Variants in L3MBTL4 observed in about 807,000 individuals in gnomAD.
L3MBTL4 encodes L3MBTL histone methyl-lysine binding protein 4.
In L3MBTL4, 70 loss-of-function variants were observed where a neutral mutation model predicts 84.5. The ratio of observed to expected loss-of-function variants is 0.83; its 90% CI spans 0.68 to 1.01. The LOEUF (loss-of-function observed/expected upper bound fraction) is 1.01, where lower values mean the gene tolerates loss of function less well. Ranked by LOEUF, L3MBTL4 falls within the 50% of genes least tolerant of loss-of-function variation. The pLI is 0.00. For missense variants in L3MBTL4, 715 were observed against 754.8 expected, an observed-to-expected ratio of 0.95 and a Z score of 0.62; for synonymous variants, 274 against 259.8, an observed-to-expected ratio of 1.05 and a Z score of -0.52.
At chr18:6,241,314 A>C (rs1356679981) in intron 8 of L3MBTL4, 44 bp downstream of exon 8, 2 of 1,104,660 alleles carry the variant, frequency 1.8e-6, no homozygotes, top group Non-Finnish European at 2.7e-6. Flanking sequence ...AAGAAATTTA[A>C]GCTTGGGGGA....
intron 1 of L3MBTL4, among the ~76,000 whole-genome samples, chr18:6,328,164 T>C (rs1215712160): frequency 6.6e-6 from 1 of 152,248 alleles, no homozygotes; most frequent in African/African-American, 2.4e-5. Context: ...AATGGCTCCA[T>C]TTCTAAAAGT....
intron 13 of L3MBTL4, among the ~76,000 whole-genome samples, chr18:6,156,034 T>C (rs1483765920): frequency 1.3e-5 from 2 of 152,166 alleles, no homozygotes; most frequent in Non-Finnish European, 2.9e-5. Flanking sequence ...AGCTTGTCCT[T>C]AAAGCAACAC....
At chr18:6,235,938 T>G (rs1026841701) in intron 10 of L3MBTL4, among the ~76,000 whole-genome samples, 2 of 152,112 alleles carry the variant, frequency 1.3e-5, no homozygotes, top group African/African-American at 4.8e-5. Flanking sequence ...GAAAGAAAAT[T>G]TTAAAAGGCC....
intron 10 of L3MBTL4, among the ~76,000 whole-genome samples, chr18:6,220,543 C>G (rs575397357): frequency 6.6e-6 from 1 of 152,290 alleles, no homozygotes; most frequent in Admixed American, 6.5e-5. Context: ...TGTATGTGCC[C>G]TTCCTAACCC....
chr18:6,082,357 GGA>G (rs1056943544), intron 15 of L3MBTL4: 13 of 151,922 alleles, frequency 8.6e-5, no homozygotes, highest in African/African-American at 2.2e-4. Context: ...CATTCTTGTA[GGA>G]GAAAATATAA....
chr18:5,978,365 G>A (rs748085824), intron 16 of L3MBTL4, among the ~76,000 whole-genome samples: 6 of 152,102 alleles, frequency 3.9e-5, no homozygotes, highest in Non-Finnish European at 8.8e-5. Flanking sequence ...ATTTTTTGAT[G>A]GCTAGAGAGC....
At position 6,151,118 on chromosome 18, in the gene L3MBTL4, A is replaced by C. The variant is rs192146116; in HGVS notation, c.1097-12822T>G. ...AAAACTGGAAGGGACTTAAAGATTG[A>C]AGCTTCCAGATCCCACAAAATCAGA... is the stretch of plus-strand genomic sequence containing the variant. On this transcript the variant is annotated intron_variant, in intron 13 of 18. Transcript: ENST00000317931. Among the ~76,000 whole-genome samples the C allele has an allele frequency of 3.1e-4, 47 of 152,264 alleles. 1 individual carries two copies. The highest frequency in any genetic ancestry group is 2.2e-3 in the Admixed American group (33 of 15,298).
chr18:6,275,726 T>C (rs948033902), intron 4 of L3MBTL4, among the ~76,000 whole-genome samples: 1 of 152,120 alleles, frequency 6.6e-6, no homozygotes, highest in Non-Finnish European at 1.5e-5. Context: ...TACTCAATCA[T>C]GAGATTGCAT....
rs1568307863 is a variant in L3MBTL4, at chr18:6,202,755, G to A, written c.981+10394C>T. Among the ~76,000 whole-genome samples, 5 of 152,258 alleles carry A rather than the reference G, an allele frequency of 3.3e-5. No individual in the cohort carries two copies. The South Asian group carries it at 1.0e-3, about 32-fold the overall frequency. On this transcript the variant is annotated intron_variant, in intron 12 of 18. Coordinates refer to ENST00000317931, the MANE Select transcript of L3MBTL4 (RefSeq NM_001330559.2). Reference sequence around the variant, plus strand: ...GGTAGATCAGGCTACCGTTTACTAAGCTGAGGATGCCTAGGGAAGAAAAAG... The same window carrying A: ...GGTAGATCAGGCTACCGTTTACTAAACTGAGGATGCCTAGGGAAGAAAAAG...
intron 1 of L3MBTL4, among the ~76,000 whole-genome samples, chr18:6,364,941 G>C (rs928943558): frequency 6.6e-6 from 1 of 151,870 alleles, no homozygotes; most frequent in African/African-American, 2.4e-5. Flanking sequence ...TAGTAACCAA[G>C]AATGAGGACA....
chr18:5,990,775 GT>G (rs2053659185), intron 16 of L3MBTL4, among the ~76,000 whole-genome samples: 1 of 145,072 alleles, frequency 6.9e-6, no homozygotes, highest in Non-Finnish European at 1.5e-5. Flanking sequence ...ATGTGGGTGT[GT>G]GTGTGTGTGT....
At chr18:6,044,773 T>C (rs2145745883) in intron 16 of L3MBTL4, among the ~76,000 whole-genome samples, 1 of 152,316 alleles carries the variant, frequency 6.6e-6, no homozygotes, top group South Asian at 2.1e-4. Context: ...TGCCCTGCCT[T>C]CACCATGTCT....
intron 16 of L3MBTL4, among the ~76,000 whole-genome samples, chr18:6,039,693 C>T (rs923264617): frequency 5.3e-5 from 8 of 152,200 alleles, no homozygotes; most frequent in South Asian, 2.1e-4. Context: ...ACTTGACCAG[C>T]GTGGTTATCT....
intron 3 of L3MBTL4, among the ~76,000 whole-genome samples, chr18:6,309,992 C>G (rs1475779275): frequency 2.0e-5 from 3 of 152,210 alleles, no homozygotes; most frequent in Non-Finnish European, 4.4e-5. Context: ...ATTGTTAAAA[C>G]AGATTGCTGG....
At chr18:6,235,447 G>A (rs983718359) in intron 10 of L3MBTL4, among the ~76,000 whole-genome samples, 2 of 151,996 alleles carry the variant, frequency 1.3e-5, no homozygotes, top group South Asian at 2.1e-4. Flanking sequence ...TCCACAAATC[G>A]ATGGGTAAAC....
chr18:6,386,036 G>A (rs546266350), intron 1 of L3MBTL4, among the ~76,000 whole-genome samples: 1 of 152,312 alleles, frequency 6.6e-6, no homozygotes, highest in African/African-American at 2.4e-5. Context: ...AAAGAAAGGT[G>A]TTTTCCATCC....
intron 4 of L3MBTL4, among the ~76,000 whole-genome samples, chr18:6,280,113 T>G (rs1285433117): frequency 6.6e-6 from 1 of 152,226 alleles, no homozygotes; most frequent in Non-Finnish European, 1.5e-5. Flanking sequence ...TCATTCTCAA[T>G]GAATGTAAAT....
At chr18:6,256,119 T>C (rs1049746874) in intron 5 of L3MBTL4, among the ~76,000 whole-genome samples, 1 of 152,178 alleles carries the variant, frequency 6.6e-6, no homozygotes, top group South Asian at 2.1e-4. Flanking sequence ...TTTTAACAAA[T>C]AGGAATTTCC....
At chr18:6,090,310 TA>T (rs1166892314) in intron 15 of L3MBTL4, among the ~76,000 whole-genome samples, 1 of 152,044 alleles carries the variant, frequency 6.6e-6, no homozygotes, top group Non-Finnish European at 1.5e-5. Context: ...GACTCTCTAC[TA>T]AAAAATGTGA....
Sources: allele counts gnomAD v4.1 joint callset (sites outside exome capture counted in the v4.1 genomes callset), GRCh38; gene constraint gnomAD v4.1.1; transcripts MANE v1.5; gene names NCBI Gene and HGNC (gene_info 2026-07-23, HGNC 2026-07-21).